LUZP2: variants seen among roughly 807,000 people sequenced by gnomAD.
LUZP2 encodes the protein leucine zipper protein 2.
A neutral mutation model predicts 51.6 loss-of-function variants in LUZP2; 52 were observed. The ratio of observed to expected loss-of-function variants is 1.01; its 90% CI spans 0.81 to 1.27. The LOEUF is 1.27. Ranked by LOEUF, LUZP2 falls within the 50% of genes most tolerant of loss-of-function variation. LUZP2 has a pLI of 0.00. For missense variants in LUZP2, 436 were observed against 395.4 expected, an observed-to-expected ratio of 1.10 and a Z score of -0.87; for synonymous variants, 154 against 137.3, an observed-to-expected ratio of 1.12 and a Z score of -0.85.
At chr11:24,632,334 G>A (rs565748282) in intron 1 of LUZP2, among the ~76,000 whole-genome samples, 51 of 152,048 alleles carry the variant, frequency 3.4e-4, no homozygotes, top group African/African-American at 1.2e-3. Flanking sequence ...GATCCAATAT[G>A]TATTTTTTAC....
chr11:24,546,873 T>C (rs1851561737), intron 1 of LUZP2, among the ~76,000 whole-genome samples: 3 of 151,988 alleles, frequency 2.0e-5, no homozygotes, highest in Admixed American at 2.0e-4. Context: ...GTACATCTGG[T>C]ATACAATTCA....
intron 4 of LUZP2, among the ~76,000 whole-genome samples, chr11:24,756,404 GT>G (rs1292471244): frequency 1.3e-5 from 2 of 152,158 alleles, no homozygotes; most frequent in Non-Finnish European, 2.9e-5. Context: ...GTCATCAACA[GT>G]TTGCATTTCC....
chr11:24,747,935 C>T (rs1284567902), intron 4 of LUZP2, among the ~76,000 whole-genome samples: 1 of 152,122 alleles, frequency 6.6e-6, no homozygotes, highest in African/African-American at 2.4e-5. Context: ...AGTCTATTTC[C>T]AGGTGGTAGG....
intron 10 of LUZP2, among the ~76,000 whole-genome samples, chr11:25,072,219 A>G (rs1390325213): frequency 6.6e-6 from 1 of 152,096 alleles, no homozygotes; most frequent in Non-Finnish European, 1.5e-5. Context: ...GGCACTTTCC[A>G]TCATTACACT....
At chr11:24,547,214 A>T (rs909028962) in intron 1 of LUZP2, among the ~76,000 whole-genome samples, 1 of 151,674 alleles carries the variant, frequency 6.6e-6, no homozygotes, top group African/African-American at 2.4e-5. Flanking sequence ...AAAAAAAAAA[A>T]CTATCCTAAA....
intron 5 of LUZP2, among the ~76,000 whole-genome samples, chr11:24,817,597 T>C (rs1035092064): frequency 3.9e-5 from 6 of 152,038 alleles, no homozygotes; most frequent in African/African-American, 1.4e-4. Flanking sequence ...GAATACAAGT[T>C]CTTGAAAAAC....
intron 7 of LUZP2, among the ~76,000 whole-genome samples, chr11:24,973,548 A>T: frequency 6.6e-6 from 1 of 151,458 alleles, no homozygotes; most frequent in East Asian, 2.0e-4. Context: ...TTAATCTGAG[A>T]TTCTTCTACT....
intron 4 of LUZP2, among the ~76,000 whole-genome samples, chr11:24,750,379 A>T (rs1388690640): frequency 1.3e-5 from 2 of 152,190 alleles, no homozygotes; most frequent in Non-Finnish European, 2.9e-5. Flanking sequence ...TTGCCTCTTT[A>T]TATCTTCCAA....
At chr11:24,860,782 C>A (rs891254137) in intron 5 of LUZP2, among the ~76,000 whole-genome samples, 1 of 152,102 alleles carries the variant, frequency 6.6e-6, no homozygotes, top group South Asian at 2.1e-4. Context: ...AAAAGGCCCC[C>A]CCAAAAACCC....
chr11:24,498,908 T>C lies in LUZP2; in HGVS notation c.62+1603T>C, dbSNP rs144861204. ...TTTTAGACTGTGAACATCTCTAGAG[T>C]TCCAAAAGTACATTTGCTTTTTAAG... On this transcript the variant is annotated intron_variant, in intron 1 of 11. Coordinates refer to ENST00000336930, the MANE Select transcript of LUZP2 (RefSeq NM_001009909.4). 1.4e-4 allele frequency among the ~76,000 whole-genome samples: 21 copies of C among 152,276 alleles called. No homozygotes were observed. In the East Asian group the frequency reaches 1.7e-3, roughly 13 times the overall value.
chr11:24,656,593 ATCT>A (rs1184044193), intron 1 of LUZP2, among the ~76,000 whole-genome samples: 1 of 152,204 alleles, frequency 6.6e-6, no homozygotes. Context: ...CTGGGAAAGA[ATCT>A]TCTTCCGAGC....
intron 9 of LUZP2, among the ~76,000 whole-genome samples, chr11:25,042,203 A>C (rs1858087244): frequency 6.6e-6 from 1 of 150,776 alleles, no homozygotes; most frequent in Non-Finnish European, 1.5e-5. Flanking sequence ...AAGACCACTT[A>C]TGTAATATGC....
At chr11:24,954,753 A>AATC (rs1379331197) in intron 7 of LUZP2, among the ~76,000 whole-genome samples, 14 of 152,056 alleles carry the variant, frequency 9.2e-5, no homozygotes, top group African/African-American at 3.4e-4. Flanking sequence ...ACACCATACC[A>AATC]ATCATTTTAT....
intron 9 of LUZP2, among the ~76,000 whole-genome samples, chr11:25,020,859 T>G (rs1857313253): frequency 6.6e-6 from 1 of 152,084 alleles, no homozygotes; most frequent in Non-Finnish European, 1.5e-5. Context: ...CACATGATAA[T>G]GTATATCCAA....
intron 4 of LUZP2, among the ~76,000 whole-genome samples, chr11:24,740,367 T>C (rs1859092881): frequency 6.6e-6 from 1 of 152,118 alleles, no homozygotes; most frequent in Admixed American, 6.6e-5. Context: ...GGACAAATAA[T>C]GTAGACTGAG....
chr11:25,077,260 GT>G, intron 10 of LUZP2, 68 bp from the exon 11 acceptor site: 12 of 1,170,566 alleles, frequency 1.0e-5, no homozygotes, highest in Middle Eastern at 2.0e-4. Context: ...TCAAGAGAGT[GT>G]TTTTGACTCC....
chr11:24,645,298 A>C (rs1855430054), intron 1 of LUZP2, among the ~76,000 whole-genome samples: 1 of 152,154 alleles, frequency 6.6e-6, no homozygotes, highest in African/African-American at 2.4e-5. Flanking sequence ...AGAGAAAGAG[A>C]GTTTTATGTT....
intron 5 of LUZP2, among the ~76,000 whole-genome samples, chr11:24,828,601 G>C (rs1250062114): frequency 6.7e-6 from 1 of 149,516 alleles, no homozygotes; most frequent in Non-Finnish European, 1.5e-5. Context: ...TACCCATATT[G>C]TTCAGTGGAT....
At chr11:24,528,169 T>A (rs1211769642) in intron 1 of LUZP2, among the ~76,000 whole-genome samples, 1 of 151,302 alleles carries the variant, frequency 6.6e-6, no homozygotes, top group Non-Finnish European at 1.5e-5. Context: ...TTCTTTATAG[T>A]CAAAAGCAGA....
Sources: gnomAD v4.1 joint callset for allele counts (sites outside exome capture counted in the v4.1 genomes callset) on GRCh38, gnomAD v4.1.1 for gene constraint, MANE v1.5 for transcripts, NCBI Gene and HGNC (gene_info 2026-07-23, HGNC 2026-07-21) for gene names.